Variants in WLS observed in about 807,000 individuals in gnomAD.
WLS encodes Wnt ligand secretion mediator.
A neutral mutation model predicts 62.8 loss-of-function variants in WLS; 23 were observed. That is an observed-to-expected ratio of 0.37 (90% CI 0.26 to 0.52). The LOEUF is 0.52. Among genes scored for constraint, WLS ranks in the 20% least tolerant of loss-of-function variants. The probability of loss-of-function intolerance (pLI) is 0.92; values close to 1 mark genes in which losing one functional copy is unlikely to be tolerated. For synonymous variants in WLS, 246 were observed against 244.1 expected (o/e 1.01, Z -0.07); for missense variants, 615 against 697.3 (o/e 0.88, Z 1.33).
intron 2 of WLS, among the ~76,000 whole-genome samples, chr1:68,163,604 A>C (rs944177296): frequency 7.5e-3 from 210 of 27,850 alleles, no homozygotes; most frequent in African/African-American, 9.3e-3. Context: ...CGCTCTCCCC[A>C]CCCTACCCCT....
chr1:68,105,769 A>T (rs1382243554), intron 11 of WLS, among the ~76,000 whole-genome samples: 3 of 152,158 alleles, frequency 2.0e-5, no homozygotes, highest in Admixed American at 2.0e-4. Context: ...TGCTAGAAAT[A>T]AGGGGTGGAA....
At chr1:68,181,637 C>T (rs1453559999) in intron 2 of WLS, among the ~76,000 whole-genome samples, 2 of 151,954 alleles carry the variant, frequency 1.3e-5, no homozygotes, top group African/African-American at 2.4e-5. Context: ...GGGTGGTGCA[C>T]GTGTTGTTAG....
At chr1:68,112,379 A>T (rs1184520775) in intron 11 of WLS, among the ~76,000 whole-genome samples, 1 of 152,124 alleles carries the variant, frequency 6.6e-6, no homozygotes, top group Non-Finnish European at 1.5e-5. Flanking sequence ...CAAAAGCAAA[A>T]TGTGTGGGTC....
At chr1:68,140,534 C>A (rs968332063) in intron 10 of WLS, among the ~76,000 whole-genome samples, 2 of 152,112 alleles carry the variant, frequency 1.3e-5, no homozygotes, top group Non-Finnish European at 2.9e-5. Flanking sequence ...TACAGTAGAA[C>A]CACTGGAATG....
intron 10 of WLS, among the ~76,000 whole-genome samples, chr1:68,138,724 G>A (rs1557469372): frequency 6.6e-6 from 1 of 152,186 alleles, no homozygotes; most frequent in Non-Finnish European, 1.5e-5. Context: ...CAGAGCTGCT[G>A]AGCTAAGTGA....
At chr1:68,105,965 T>A (rs912094246) in intron 11 of WLS, among the ~76,000 whole-genome samples, 1 of 152,168 alleles carries the variant, frequency 6.6e-6, no homozygotes, top group Non-Finnish European at 1.5e-5. Context: ...AAGATGGTGA[T>A]ACATAATCAC....
intron 1 of WLS, among the ~76,000 whole-genome samples, chr1:68,229,839 A>G (rs964097000): frequency 1.3e-5 from 2 of 152,198 alleles, no homozygotes; most frequent in Admixed American, 6.5e-5. Flanking sequence ...CAGTAAACTT[A>G]TACAGTTTCC....
chr1:68,198,983 C>G (rs541300341), intron 1 of WLS, among the ~76,000 whole-genome samples: 1 of 152,162 alleles, frequency 6.6e-6, no homozygotes, highest in Non-Finnish European at 1.5e-5. Context: ...TCTAGCCAAC[C>G]GCTAGCATTT....
Position 68,194,186 on chromosome 1 carries a change from A to G in WLS, c.148T>C (p.Cys50Arg). ...TGATGGTTCTTACGGGCATCCACAC[A>G]TTTCACCGACATGTAGGACACTGCC... ...TTAVSYMSVK[C>R]VDARKNHHKT... The change falls in exon 2 of 12, where the codon TGT (cysteine) becomes CGT (arginine). Residue 50 changes from cysteine (C) to arginine (R), a missense_variant. Coordinates refer to ENST00000262348, the MANE Select transcript of WLS (RefSeq NM_024911.7). 2 of 1,614,172 alleles carry G rather than the reference A, an allele frequency of 1.2e-6. No homozygotes were observed. The highest frequency in any genetic ancestry group is 1.7e-6 in the Non-Finnish European group (2 of 1,180,034).
chr1:68,156,037 T>A (rs1008189560), intron 3 of WLS, among the ~76,000 whole-genome samples: 2 of 152,056 alleles, frequency 1.3e-5, no homozygotes, highest in Admixed American at 6.6e-5. Flanking sequence ...CAGAGCACGG[T>A]GGTGGGAAAT....
At chr1:68,211,384 A>G (rs184043991) in intron 1 of WLS, among the ~76,000 whole-genome samples, 1 of 152,092 alleles carries the variant, frequency 6.6e-6, no homozygotes, top group Non-Finnish European at 1.5e-5. Flanking sequence ...GTTTTTCTTA[A>G]AAAACAACAA....
intron 1 of WLS, among the ~76,000 whole-genome samples, chr1:68,197,172 CA>C (rs939642937): frequency 6.6e-6 from 1 of 152,080 alleles, no homozygotes; most frequent in Non-Finnish European, 1.5e-5. Context: ...AGCTAAGCTC[CA>C]AAACCACATT....
At chr1:68,183,455 C>A in intron 2 of WLS, 1 of 484,680 alleles carries the variant, frequency 2.1e-6, no homozygotes. Flanking sequence ...GTATAAAATC[C>A]TCTGCCCCAT....
At chr1:68,228,978 T>C (rs898067734) in intron 1 of WLS, among the ~76,000 whole-genome samples, 3 of 147,144 alleles carry the variant, frequency 2.0e-5, no homozygotes, top group Middle Eastern at 3.5e-3. Flanking sequence ...TCCTGGAGGC[T>C]AGTTGCTTTT....
intron 11 of WLS, among the ~76,000 whole-genome samples, chr1:68,105,455 C>T (rs931721132): frequency 3.3e-4 from 35 of 107,682 alleles, no homozygotes; most frequent in Admixed American, 2.1e-3. Context: ...AAGCCATAAC[C>T]AAGGTGCCAC....
At chr1:68,128,224 G>A (rs1646464693) in intron 11 of WLS, among the ~76,000 whole-genome samples, 1 of 152,208 alleles carries the variant, frequency 6.6e-6, no homozygotes, top group South Asian at 2.1e-4. Context: ...AGAGGCTTTA[G>A]CTGGGCTACT....
intron 1 of WLS, among the ~76,000 whole-genome samples, chr1:68,230,217 A>G (rs963010632): frequency 3.3e-5 from 5 of 152,146 alleles, no homozygotes; most frequent in Non-Finnish European, 5.9e-5. Context: ...AAAGAAACAC[A>G]CCAACAAACA....
At chr1:68,221,001 T>C (rs1649919071) in intron 1 of WLS, among the ~76,000 whole-genome samples, 2 of 152,224 alleles carry the variant, frequency 1.3e-5, no homozygotes, top group African/African-American at 4.8e-5. Flanking sequence ...AGGAAGGTAT[T>C]GGAGGAATTC....
intron 1 of WLS, among the ~76,000 whole-genome samples, chr1:68,219,938 A>C (rs1167514140): frequency 1.3e-5 from 2 of 152,208 alleles, no homozygotes; most frequent in Non-Finnish European, 2.9e-5. Flanking sequence ...ACAGAAGTAC[A>C]ACTGGGATTC....
Sources: allele counts gnomAD v4.1 joint callset (sites outside exome capture counted in the v4.1 genomes callset), GRCh38; gene constraint gnomAD v4.1.1; transcripts MANE v1.5; gene names NCBI Gene and HGNC (gene_info 2026-07-23, HGNC 2026-07-21).